IKZF1: variants seen among roughly 807,000 people sequenced by gnomAD.
IKZF1 encodes the protein DNA-binding protein Ikaros.
In IKZF1, 10 loss-of-function variants were observed where a neutral mutation model predicts 51.7. The ratio of observed to expected loss-of-function variants is 0.19; its 90% confidence interval spans 0.12 to 0.33. IKZF1 has a LOEUF of 0.33. Among genes scored for constraint, IKZF1 ranks in the 10% least tolerant of loss-of-function variants. The pLI, the probability that IKZF1 is intolerant of heterozygous loss-of-function variation, is 1.00. For synonymous variants in IKZF1, 280 were observed against 282.3 expected, an observed-to-expected ratio of 0.99 and a Z score of 0.08; for missense variants, 484 against 707.5, an observed-to-expected ratio of 0.68 and a Z score of 3.58.
chr7:50,307,078 A>G (rs1382673278), intron 1 of IKZF1, among the ~76,000 whole-genome samples: 2 of 152,212 alleles, frequency 1.3e-5, no homozygotes, highest in African/African-American at 4.8e-5. Flanking sequence ...ACAGACCTGA[A>G]ATGAGTATTA....
intron 1 of IKZF1, among the ~76,000 whole-genome samples, chr7:50,309,834 T>C (rs921558046): frequency 8.6e-5 from 13 of 151,992 alleles, no homozygotes; most frequent in Non-Finnish European, 4.4e-5. Flanking sequence ...TAATTTAGAG[T>C]CTTTAGGAGA....
chr7:50,366,367 A>T (rs1257034590), intron 3 of IKZF1, among the ~76,000 whole-genome samples: 1 of 152,234 alleles, frequency 6.6e-6, no homozygotes, highest in Non-Finnish European at 1.5e-5. Context: ...CAAGGCTTAC[A>T]CTTTGATGCC....
chr7:50,310,049 T>G lies in IKZF1; in HGVS notation c.-15+5127T>G, dbSNP rs541391248. On this transcript the variant is annotated intron_variant, in intron 1 of 7. Transcript: ENST00000331340. Reference sequence around the variant, plus strand: ...TAAGCTGATATTCAAAGAGATTCACTGCAAAAACATATTGATAAATCGTAT... The same window carrying G: ...TAAGCTGATATTCAAAGAGATTCACGGCAAAAACATATTGATAAATCGTAT... 5.9e-5 allele frequency among the ~76,000 whole-genome samples: 9 copies of G among 152,340 alleles called. No homozygotes were observed. In the East Asian group the frequency reaches 1.7e-3, roughly 29 times the overall value.
intron 1 of IKZF1, among the ~76,000 whole-genome samples, chr7:50,311,831 G>A (rs1790241241): frequency 6.6e-6 from 1 of 151,874 alleles, no homozygotes; most frequent in Admixed American, 6.6e-5. Flanking sequence ...CCTTGCTGAG[G>A]GAAAAACTTA....
chr7:50,384,743 C>T (rs1371703386), intron 5 of IKZF1, among the ~76,000 whole-genome samples: 1 of 152,234 alleles, frequency 6.6e-6, no homozygotes, highest in Non-Finnish European at 1.5e-5. Flanking sequence ...GAAGAAGCTT[C>T]ACATCTGTTG....
At chr7:50,304,188 T>G (rs1376345215), upstream of IKZF1, 1 of 149,616 alleles carries the variant, frequency 6.7e-6, no homozygotes, top group Non-Finnish European at 1.5e-5. Context: ...TGCAAAGTTT[T>G]CGTGCGCGGC....
intron 3 of IKZF1, chr7:50,368,284 G>C: frequency 1.4e-6 from 1 of 703,354 alleles, no homozygotes; most frequent in Non-Finnish European, 2.6e-6. Flanking sequence ...TGGCAGTGGA[G>C]TAACAGTAAG....
Position 50,400,208 on chromosome 7 carries a change from T to C in IKZF1, c.1141T>C (p.Leu381=), listed in dbSNP as rs1349176229. ...CCTGCTGCTGCTCTCCAAGGCCAAG[T>C]TGGTGCCCTCGGAGCGCGAGGCGTC... is the stretch of plus-strand genomic sequence containing the variant. ...ENLLLLSKAK[L]VPSEREASPS... The change falls in exon 8 of 8, where the codon TTG becomes CTG. Residue 381 remains leucine, a synonymous_variant. Coordinates refer to ENST00000331340, the MANE Select transcript of IKZF1 (RefSeq NM_006060.6). This position sits in a 1 kb window ranked among gnomAD's most constrained non-coding sequence, Gnocchi z 5.4. 1.9e-6 allele frequency: 3 copies of C among 1,584,166 alleles called. No homozygotes were observed. The highest frequency in any genetic ancestry group is 1.1e-5 in the South Asian group (1 of 87,466).
At chr7:50,345,295 T>C (rs1257713289) in intron 3 of IKZF1, among the ~76,000 whole-genome samples, 1 of 152,216 alleles carries the variant, frequency 6.6e-6, no homozygotes, top group East Asian at 1.9e-4. Context: ...TCTGCAGGCT[T>C]ATTAACATAT....
intron 1 of IKZF1, chr7:50,308,794 C>A (rs376118442): frequency 6.6e-6 from 1 of 152,366 alleles, no homozygotes; most frequent in East Asian, 1.9e-4. Context: ...CACCAAGATC[C>A]CTCCCAGGTG....
intron 6 of IKZF1, among the ~76,000 whole-genome samples, chr7:50,387,811 G>C (rs971116850): frequency 1.3e-5 from 2 of 152,166 alleles, no homozygotes; most frequent in Non-Finnish European, 2.9e-5. Context: ...ACCTCAAGTA[G>C]TGATATTTCT....
At position 50,334,515 on chromosome 7, in the gene IKZF1, TGTG is replaced by T. The variant is rs1311505439; in HGVS notation, c.160+6759_160+6761del. Among the ~76,000 whole-genome samples the T allele has an allele frequency of 3.6e-4, 55 of 150,754 alleles. 1 individual carries two copies. The highest frequency in any genetic ancestry group is 3.4e-3 in the Middle Eastern group (1 of 294). On this transcript the variant is annotated intron_variant, in intron 3 of 7. Coordinates refer to ENST00000331340, the MANE Select transcript of IKZF1 (RefSeq NM_006060.6). ...TTTGTGTGTGCATGTATGTGTGTGG[TGTG>T]TGTGTGTATGTGTAGTGTATATGTG... is the stretch of plus-strand genomic sequence containing the variant.
intron 3 of IKZF1, among the ~76,000 whole-genome samples, chr7:50,366,076 A>C (rs571615241): frequency 2.6e-5 from 4 of 152,264 alleles, no homozygotes; most frequent in African/African-American, 7.2e-5. Flanking sequence ...CTGAATGAGG[A>C]GAATACATGG....
intron 2 of IKZF1, among the ~76,000 whole-genome samples, chr7:50,325,944 T>C (rs1044316540): frequency 2.0e-5 from 3 of 152,238 alleles, no homozygotes; most frequent in Admixed American, 2.0e-4. Context: ...CATTTTGTAT[T>C]GGCTATCCAA....
intron 3 of IKZF1, among the ~76,000 whole-genome samples, chr7:50,336,390 G>T (rs1427838255): frequency 6.6e-6 from 1 of 152,192 alleles, no homozygotes; most frequent in Admixed American, 6.5e-5. Flanking sequence ...TTTAGGAAGG[G>T]GTGGAGGTGG....
chr7:50,315,587 A>G lies in IKZF1; in HGVS notation c.-14-3461A>G, dbSNP rs190003484. 1.9e-3 allele frequency among the ~76,000 whole-genome samples: 291 copies of G among 152,258 alleles called. 2 individuals carry two copies. Among genetic ancestry groups the G allele is most frequent in the African/African-American group, 6.3e-3 (261 of 41,538 alleles). On this transcript the variant is annotated intron_variant, in intron 1 of 7. Coordinates refer to ENST00000331340, the MANE Select transcript of IKZF1 (RefSeq NM_006060.6). ...AAAGGTAGTTTGCTGATATTGTTGT[A>G]TTTTTTACTATCGCTTCTTTTAGGT...
At chr7:50,314,591 T>G (rs1009132553) in intron 1 of IKZF1, among the ~76,000 whole-genome samples, 1 of 152,256 alleles carries the variant, frequency 6.6e-6, no homozygotes, top group Non-Finnish European at 1.5e-5. Context: ...CAGGCATCTA[T>G]CTGCATTTTC....
rs1049762847 is a variant in IKZF1 at position 50,400,132 on chromosome 7, G to C, written c.1065G>C (p.Ala355=). The change falls in exon 8 of 8, where the codon GCG becomes GCC. Residue 355 remains alanine (A), a synonymous_variant. Transcript: ENST00000331340. This position sits in a 1 kb window ranked among gnomAD's most constrained non-coding sequence, Gnocchi z 5.4. Reference sequence around the variant, plus strand: ...TGTACCAGCTGCACAAGCCGCTCGCGGAGGGCACCCCGCGCTCCAACCACT... The same window carrying C: ...TGTACCAGCTGCACAAGCCGCTCGCCGAGGGCACCCCGCGCTCCAACCACT... ...SPMYQLHKPL[A]EGTPRSNHSA... is the part of the protein sequence containing the mutation. 7.0e-5 allele frequency: 109 copies of C among 1,563,206 alleles called. 1 individual carries two copies. Among genetic ancestry groups the C allele is most frequent in the Non-Finnish European group, 9.3e-5 (107 of 1,155,710 alleles).
At chr7:50,385,106 G>T (rs1234826263) in intron 5 of IKZF1, among the ~76,000 whole-genome samples, 1 of 152,158 alleles carries the variant, frequency 6.6e-6, no homozygotes, top group African/African-American at 2.4e-5. Flanking sequence ...GTAGACTTTG[G>T]ACTGTGTATT....
Sources: gnomAD v4.1 joint callset for allele counts (sites outside exome capture counted in the v4.1 genomes callset) on GRCh38, gnomAD v4.1.1 for gene constraint, Gnocchi (gnomAD v3.1) non-coding constraint, MANE v1.5 for transcripts, NCBI Gene and HGNC (gene_info 2026-07-23, HGNC 2026-07-21) for gene names.